TNFRSF9: variants seen among roughly 807,000 people sequenced by gnomAD.
The protein encoded by TNFRSF9 is tumor necrosis factor receptor superfamily member 9.
TNFRSF9 carries 16 observed loss-of-function variants against 28.8 expected under a neutral mutation model. The observed-to-expected ratio is 0.55, with a 90% CI of 0.38 to 0.84. TNFRSF9 has a LOEUF of 0.84. Ranked by LOEUF, TNFRSF9 falls within the 40% of genes least tolerant of loss-of-function variation. The probability of loss-of-function intolerance (pLI) is 0.00; values close to 1 mark genes in which losing one functional copy is unlikely to be tolerated. For synonymous variants in TNFRSF9, 131 were observed against 117.0 expected (o/e 1.12, Z -0.77); for missense variants, 303 against 315.0 (o/e 0.96, Z 0.29).
At position 7,916,931 on chromosome 1, in the gene TNFRSF9, C is replaced by G. The variant is rs1639487681; in HGVS notation, c.*3904G>C. 2 of 152,016 alleles carry G rather than the reference C, an allele frequency of 1.3e-5. No homozygotes were observed. Among genetic ancestry groups the G allele is most frequent in the African/African-American group, 4.8e-5 (2 of 41,410 alleles). The allele number at this position is 152,016 out of a possible 1,614,324, so 9.4% of individuals were successfully genotyped here. A position where few individuals can be genotyped will look rare whatever the true frequency, so the allele number is the denominator to read the frequency against. On this transcript the variant is annotated 3_prime_UTR_variant, in exon 8 of 8. Coordinates refer to ENST00000377507, the MANE Select transcript of TNFRSF9 (RefSeq NM_001561.6). ...AGAACCAAGAATAACCAAGACATCT[C>G]TTTTCTTTTTTTTCCTGAGACAGAG... is the stretch of plus-strand genomic sequence containing the variant.
At chr1:7,930,151 A>T (rs1181456525) in intron 7 of TNFRSF9, among the ~76,000 whole-genome samples, 3 of 151,786 alleles carry the variant, frequency 2.0e-5, no homozygotes, top group African/African-American at 7.3e-5. Flanking sequence ...TTGTATTTTT[A>T]GTAGAGACGG....
At chr1:7,928,532 A>C (rs1639686847) in intron 7 of TNFRSF9, among the ~76,000 whole-genome samples, 1 of 152,222 alleles carries the variant, frequency 6.6e-6, no homozygotes, top group Admixed American at 6.5e-5. Context: ...TGAAAAAGCA[A>C]AATCTTAAAA....
intron 7 of TNFRSF9, among the ~76,000 whole-genome samples, chr1:7,930,001 CT>C (rs1367511106): frequency 8.8e-6 from 1 of 113,688 alleles, no homozygotes; most frequent in Non-Finnish European, 1.7e-5. Flanking sequence ...CGGAGTTTCG[CT>C]TTTGTTGCCC....
chr1:7,920,934 A>C lies in TNFRSF9; in HGVS notation c.680-11T>G. On this transcript the variant is annotated splice_polypyrimidine_tract_variant and intron_variant, in intron 7 of 7. Transcript: ENST00000377507. ...CTGGTCTCATAAATGCTAAAAAAAAAATTTTAAGATACGTATATTTTGTTG... is the reference window on the plus strand; with the variant it reads ...CTGGTCTCATAAATGCTAAAAAAAACATTTTAAGATACGTATATTTTGTTG... The C allele has an allele frequency of 6.3e-7, 1 of 1,594,318 alleles. No individual in the cohort carries two copies. The highest frequency in any genetic ancestry group is 8.6e-7 in the Non-Finnish European group (1 of 1,164,688).
Position 7,929,166 on chromosome 1 carries a change from T to C in TNFRSF9, c.679+3996A>G, listed in dbSNP as rs1222948155. Reference sequence around the variant, plus strand: ...TCTTTTTTTTCTTTTTCCTTTTTTTTTTTTTTTTTTTTTGAGACAGAGTCT... The same window carrying C: ...TCTTTTTTTTCTTTTTCCTTTTTTTCTTTTTTTTTTTTTGAGACAGAGTCT... On this transcript the variant is annotated intron_variant, in intron 7 of 7. Transcript: ENST00000377507. 9.6e-4 allele frequency among the ~76,000 whole-genome samples: 130 copies of C among 136,016 alleles called. 2 individuals are homozygous for C. The highest frequency in any genetic ancestry group is 2.8e-3 in the African/African-American group (107 of 38,860). The allele number at this position is 136,016 out of a possible 152,430, so 89.2% of individuals were successfully genotyped here.
Position 7,933,183 on chromosome 1 carries a change from G to A in TNFRSF9, c.658C>T (p.Leu220Phe). The A allele has an allele frequency of 6.2e-7, 1 of 1,613,832 alleles. No homozygotes were observed. Among genetic ancestry groups the A allele is most frequent in the Non-Finnish European group, 8.5e-7 (1 of 1,179,882 alleles). ...TTACGTTGTTTGAATATATACAGGA[G>A]TTTCTTTCTGCCCCGTTTAACAACA... ...FSVVKRGRKK[L>F]LYIFKQPFMR... is the part of the protein sequence containing the mutation. The change falls in exon 7 of 8, where the codon CTC becomes TTC. Residue 220 changes from leucine (L) to phenylalanine (F), a missense_variant. Physicochemically the swap from Leu to Phe is conservative, Grantham distance 22 (BLOSUM62 0). Coordinates refer to ENST00000377507, the MANE Select transcript of TNFRSF9 (RefSeq NM_001561.6).
intron 7 of TNFRSF9, among the ~76,000 whole-genome samples, chr1:7,925,847 G>A (rs1010258531): frequency 6.6e-6 from 1 of 152,158 alleles, no homozygotes; most frequent in African/African-American, 2.4e-5. Flanking sequence ...CAAGTCATGG[G>A]GAGGGGCTAT....
At position 7,938,774 on chromosome 1, in the gene TNFRSF9, C is replaced by G; in HGVS notation, c.155G>C (p.Ser52Thr). 1 of 1,613,736 alleles carries G rather than the reference C, an allele frequency of 6.2e-7. No homozygotes were observed. Among genetic ancestry groups the G allele is most frequent in the Non-Finnish European group, 8.5e-7 (1 of 1,179,760 alleles). Residue 52 changes from serine to threonine, a missense_variant, in exon 3 of 8, where the codon AGT becomes ACT. Coordinates refer to ENST00000377507, the MANE Select transcript of TNFRSF9 (RefSeq NM_001561.6). Reference protein sequence around the residue: ...NQICSPCPPNSFSSAGGQRTC... With the variant: ...NQICSPCPPNTFSSAGGQRTC... ...CCTTTGTCCACCTGCGCTGGAGAAA[C>G]TATTTGGAGGACAGGGACTGCAAAT...
intron 6 of TNFRSF9, among the ~76,000 whole-genome samples, chr1:7,934,570 G>A (rs1335021680): frequency 4.0e-5 from 6 of 151,732 alleles, no homozygotes; most frequent in African/African-American, 4.8e-5. Flanking sequence ...TTAGCCGGGC[G>A]TGGTGGTGCA....
chr1:7,939,828 C>A (rs1639875144), intron 2 of TNFRSF9, 67 bp downstream of exon 2: 12 of 1,259,542 alleles, frequency 9.5e-6, no homozygotes, highest in Non-Finnish European at 1.4e-5. Flanking sequence ...TTAGCCCTGA[C>A]TACTAGACTA....
intron 1 of TNFRSF9, among the ~76,000 whole-genome samples, chr1:7,940,327 T>C (rs1423096858): frequency 1.3e-5 from 2 of 152,196 alleles, no homozygotes; most frequent in Admixed American, 6.5e-5. Flanking sequence ...TCTGCCAAAA[T>C]GCAGAAATAA....
At chr1:7,939,212 C>A (rs1381683804) in intron 2 of TNFRSF9, among the ~76,000 whole-genome samples, 2 of 151,046 alleles carry the variant, frequency 1.3e-5, no homozygotes, top group Non-Finnish European at 2.9e-5. Context: ...CCCAGCTACT[C>A]GGGAGGCTGA....
intron 7 of TNFRSF9, among the ~76,000 whole-genome samples, chr1:7,922,717 C>A (rs1247959451): frequency 1.3e-5 from 2 of 151,642 alleles, no homozygotes; most frequent in East Asian, 4.0e-4. Flanking sequence ...GAGTCTGAGG[C>A]AGGACAATGG....
rs1491203940 is a variant in TNFRSF9, at chr1:7,929,157, C to CTTTTTTTTTTTTT, written c.679+4004_679+4005insAAAAAAAAAAAAA. On this transcript the variant is annotated intron_variant, in intron 7 of 7. Transcript: ENST00000377507. ...CTCAGTTTTTCTTTTTTTTCTTTTT[C>CTTTTTTTTTTTTT]CTTTTTTTTTTTTTTTTTTTTTGAG... is the stretch of plus-strand genomic sequence containing the variant. Among the ~76,000 whole-genome samples the CTTTTTTTTTTTTT allele has an allele frequency of 1.1e-3, 72 of 65,460 alleles. 11 individuals are homozygous for CTTTTTTTTTTTTT. Among genetic ancestry groups the CTTTTTTTTTTTTT allele is most frequent in the Middle Eastern group, 0.014 (1 of 74 alleles). The allele number at this position is 65,460 out of a possible 152,430, so 42.9% of individuals were successfully genotyped here.
intron 6 of TNFRSF9, among the ~76,000 whole-genome samples, chr1:7,934,484 G>A (rs186581534): frequency 6.6e-6 from 1 of 152,164 alleles, no homozygotes; most frequent in Admixed American, 6.5e-5. Flanking sequence ...GCCGAGGTGG[G>A]CGGATCATGC....
chr1:7,928,312 A>T (rs1639683294), intron 7 of TNFRSF9, among the ~76,000 whole-genome samples: 1 of 152,254 alleles, frequency 6.6e-6, no homozygotes, highest in South Asian at 2.1e-4. Context: ...AGATACAAAA[A>T]TACATGTCCA....
intron 7 of TNFRSF9, among the ~76,000 whole-genome samples, chr1:7,931,076 A>G (rs9657998): frequency 0.029 from 4,399 of 152,294 alleles, 115 homozygotes; most frequent in Admixed American, 0.086. Flanking sequence ...CCACAATGAG[A>G]TACAACTATC....
chr1:7,930,195 T>C (rs2151416314), intron 7 of TNFRSF9, among the ~76,000 whole-genome samples: 1 of 152,034 alleles, frequency 6.6e-6, no homozygotes, highest in Admixed American at 6.6e-5. Context: ...GTTGAACTCC[T>C]AACCTCAGGT....
At chr1:7,926,819 G>A (rs1313532134) in intron 7 of TNFRSF9, among the ~76,000 whole-genome samples, 1 of 152,190 alleles carries the variant, frequency 6.6e-6, no homozygotes, top group African/African-American at 2.4e-5. Context: ...AATGAAGGAT[G>A]ACTAATGTTT....
Sources: allele counts gnomAD v4.1 joint callset (sites outside exome capture counted in the v4.1 genomes callset), GRCh38; gene constraint gnomAD v4.1.1; transcripts MANE v1.5; gene names NCBI Gene and HGNC (gene_info 2026-07-23, HGNC 2026-07-21).